Variants in NELL1 observed in about 807,000 individuals in gnomAD.
NELL1 encodes protein kinase C-binding protein NELL1.
In NELL1, 76 loss-of-function variants were observed where a neutral mutation model predicts 107.4. The ratio of observed to expected loss-of-function variants is 0.71; its 90% CI spans 0.59 to 0.86. The LOEUF (loss-of-function observed/expected upper bound fraction) is 0.86, where lower values mean the gene tolerates loss of function less well. Ranked by LOEUF, NELL1 falls within the 40% of genes least tolerant of loss-of-function variation. The pLI, the probability that NELL1 is intolerant of heterozygous loss-of-function variation, is 0.00. For synonymous variants in NELL1, 353 were observed against 341.2 expected, an observed-to-expected ratio of 1.03 and a Z score of -0.38; for missense variants, 1,024 against 1,005.5, an observed-to-expected ratio of 1.02 and a Z score of -0.25.
At chr11:20,694,834 C>G (rs1488455220) in intron 2 of NELL1, among the ~76,000 whole-genome samples, 1 of 151,640 alleles carries the variant, frequency 6.6e-6, no homozygotes, top group Non-Finnish European at 1.5e-5. Context: ...TGAAAAATGA[C>G]ATTGGTAGTT....
At chr11:20,674,821 A>G (rs1053494912) in intron 1 of NELL1, among the ~76,000 whole-genome samples, 4 of 152,194 alleles carry the variant, frequency 2.6e-5, no homozygotes, top group African/African-American at 9.7e-5. Flanking sequence ...GCCTTGCCCA[A>G]TTAATTGCAG....
intron 4 of NELL1, among the ~76,000 whole-genome samples, chr11:20,880,536 G>A (rs191653518): frequency 3.3e-5 from 5 of 152,288 alleles, no homozygotes; most frequent in African/African-American, 1.2e-4. Flanking sequence ...ACCCAAACAT[G>A]TTTAATCCCA....
At position 21,097,453 on chromosome 11, in the gene NELL1, T is replaced by C. The variant is rs553381817; in HGVS notation, c.1301-16136T>C. Among the ~76,000 whole-genome samples the C allele has an allele frequency of 2.1e-4, 32 of 152,252 alleles. No homozygotes were observed. The East Asian group carries it at 3.9e-3, about 18-fold the overall frequency. ...GACGCAGTCCTTATCTCTTTGTCCCTCCCTATGGGCTGGGGATGGACTGCA... is the reference window on the plus strand; with the variant it reads ...GACGCAGTCCTTATCTCTTTGTCCCCCCCTATGGGCTGGGGATGGACTGCA... On this transcript the variant is annotated intron_variant, in intron 12 of 19. Coordinates refer to ENST00000357134, the MANE Select transcript of NELL1 (RefSeq NM_006157.5).
chr11:20,706,703 G>T (rs548569520), intron 2 of NELL1, among the ~76,000 whole-genome samples: 1 of 151,824 alleles, frequency 6.6e-6, no homozygotes, highest in Admixed American at 6.6e-5. Flanking sequence ...TTGAATATTG[G>T]CCCCCACTTT....
intron 14 of NELL1, among the ~76,000 whole-genome samples, chr11:21,328,285 C>T (rs1590841205): frequency 6.6e-6 from 1 of 151,310 alleles, no homozygotes; most frequent in East Asian, 2.0e-4. Context: ...TAAAAGGGGC[C>T]GATGTACAGT....
At chr11:21,322,949 C>T (rs937578525) in intron 14 of NELL1, among the ~76,000 whole-genome samples, 1 of 151,998 alleles carries the variant, frequency 6.6e-6, no homozygotes, top group Non-Finnish European at 1.5e-5. Context: ...TGAAAGTGCC[C>T]CCTTAGGATA....
chr11:21,065,407 G>T (rs1853843855), intron 12 of NELL1, among the ~76,000 whole-genome samples: 1 of 152,042 alleles, frequency 6.6e-6, no homozygotes, highest in Admixed American at 6.6e-5. Flanking sequence ...TTTGCTCCTT[G>T]ACTCGATTTG....
chr11:20,953,333 T>C (rs1429570611), intron 11 of NELL1, among the ~76,000 whole-genome samples: 1 of 152,182 alleles, frequency 6.6e-6, no homozygotes, highest in African/African-American at 2.4e-5. Context: ...GAACTATTAG[T>C]GACCCATGTA....
At chr11:21,456,115 A>T (rs1305606122) in intron 15 of NELL1, among the ~76,000 whole-genome samples, 3 of 151,226 alleles carry the variant, frequency 2.0e-5, no homozygotes, top group Admixed American at 2.0e-4. Flanking sequence ...CTGGTCTCGA[A>T]CTCCTGGCCT....
At chr11:21,110,522 G>A (rs1380600981) in intron 12 of NELL1, among the ~76,000 whole-genome samples, 1 of 152,160 alleles carries the variant, frequency 6.6e-6, no homozygotes, top group African/African-American at 2.4e-5. Context: ...ATGAGGCAGA[G>A]GCCTCTCAGC....
At chr11:20,992,497 TA>T (rs1851997189) in intron 12 of NELL1, among the ~76,000 whole-genome samples, 1 of 152,156 alleles carries the variant, frequency 6.6e-6, no homozygotes, top group African/African-American at 2.4e-5. Context: ...CCAGAGAAGT[TA>T]AGAAGGTGGG....
chr11:21,048,950 G>A (rs1853422515), intron 12 of NELL1, among the ~76,000 whole-genome samples: 1 of 152,086 alleles, frequency 6.6e-6, no homozygotes, highest in African/African-American at 2.4e-5. Context: ...GGAATTTATT[G>A]GGGGGTCTTC....
chr11:20,902,062 T>G (rs77471550), intron 5 of NELL1, among the ~76,000 whole-genome samples: 242 of 152,160 alleles, frequency 1.6e-3, no homozygotes, highest in African/African-American at 5.4e-3. Flanking sequence ...GTTGAAAGGT[T>G]TAGAAGACAA....
At position 20,669,756 on chromosome 11, in the gene NELL1, C is replaced by G. The variant is rs775435179; in HGVS notation, c.33C>G (p.Phe11Leu). 37 of 1,613,532 alleles carry G rather than the reference C, an allele frequency of 2.3e-5. No individual in the cohort carries two copies. Among genetic ancestry groups the G allele is most frequent in the Non-Finnish European group, 3.0e-5 (35 of 1,179,766 alleles). Residue 11 changes from phenylalanine to leucine, a missense_variant, in exon 1 of 20, where the codon TTC becomes TTG. Phe to Leu is a conservative substitution (Grantham distance 22, BLOSUM62 0). Transcript: ENST00000357134. The surrounding 1 kb of genome is among the most constrained non-coding windows in gnomAD (Gnocchi z 4.4). The part of the protein sequence containing the change: MPMDLILVVW[F>L]CVCTARTVVG... ...TGGATTTGATTTTAGTTGTGTGGTT[C>G]TGTGTGTGCACTGCCAGGACAGGTA...
At chr11:21,283,144 G>A (rs1426086043) in intron 14 of NELL1, among the ~76,000 whole-genome samples, 1 of 152,054 alleles carries the variant, frequency 6.6e-6, no homozygotes, top group Non-Finnish European at 1.5e-5. Context: ...ATAATAATTT[G>A]TGTACATTTT....
intron 14 of NELL1, among the ~76,000 whole-genome samples, chr11:21,291,862 G>A (rs997686726): frequency 2.6e-5 from 4 of 152,134 alleles, no homozygotes; most frequent in Admixed American, 2.6e-4. Context: ...AAAGGCCTTT[G>A]ACAAAACTCA....
At chr11:21,570,009 TA>T (rs1014191874) in intron 17 of NELL1, among the ~76,000 whole-genome samples, 11 of 151,622 alleles carry the variant, frequency 7.3e-5, no homozygotes, top group East Asian at 5.8e-4. Flanking sequence ...GCAACAGACA[TA>T]AAAAAAAGAC....
chr11:21,412,255 A>G (rs1048508095), intron 15 of NELL1, among the ~76,000 whole-genome samples: 6 of 152,106 alleles, frequency 3.9e-5, no homozygotes, highest in Non-Finnish European at 7.4e-5. Context: ...TTTTTAACTC[A>G]GTCTGGAAAT....
chr11:20,848,533 A>AC (rs1170894285), intron 4 of NELL1, among the ~76,000 whole-genome samples: 2 of 152,072 alleles, frequency 1.3e-5, no homozygotes, highest in African/African-American at 4.8e-5. Flanking sequence ...ATGGATAGTG[A>AC]CCCGAGTCCA....
Sources: allele counts gnomAD v4.1 joint callset (sites outside exome capture counted in the v4.1 genomes callset), GRCh38; gene constraint gnomAD v4.1.1; non-coding constraint Gnocchi (gnomAD v3.1); transcripts MANE v1.5; gene names NCBI Gene and HGNC (gene_info 2026-07-23, HGNC 2026-07-21).